Variants in ADAM15 observed in about 807,000 individuals in gnomAD.
ADAM15 encodes the protein disintegrin and metalloproteinase domain-containing protein 15.
A neutral mutation model predicts 113.8 loss-of-function variants in ADAM15; 77 were observed. The observed-to-expected ratio is 0.68, with a 90% CI of 0.56 to 0.82. The LOEUF (loss-of-function observed/expected upper bound fraction) is 0.82. Ranked by LOEUF, ADAM15 falls within the 40% of genes least tolerant of loss-of-function variation. The pLI is 0.00. For missense variants in ADAM15, 963 were observed against 1,120.1 expected (o/e 0.86, Z 2.00); for synonymous variants, 388 against 454.1 (o/e 0.85, Z 1.85).
rs774493773 is a variant in ADAM15 at position 155,058,039 on chromosome 1, G to A, written c.1605G>A (p.Trp535Ter). ...ASYAQQCQSL[W>*]GPGAQPAAPL... ...ATGCCCAGCAGTGCCAGTCACTTTG[G>A]GGACCTGGAGCCCAGCCCGCTGCGC... The change falls in exon 14 of 23, where the codon TGG (tryptophan) becomes TGA (stop). Residue 535 changes from tryptophan (W) to a stop codon, truncating the protein, a stop_gained. Transcript: ENST00000356955. LOFTEE classifies it high-confidence loss of function. The surrounding 1 kb of genome is among the most constrained non-coding windows in gnomAD (Gnocchi z 4.3). 6.2e-7 allele frequency: 1 copy of A among 1,614,122 alleles called. No homozygotes were observed. Among genetic ancestry groups the A allele is most frequent in the Non-Finnish European group, 8.5e-7 (1 of 1,180,044 alleles).
chr1:155,059,823 TC>T (rs1662323069), intron 16 of ADAM15, 78 bp from the exon 17 acceptor site: 8 of 1,479,904 alleles, frequency 5.4e-6, no homozygotes, highest in Admixed American at 1.7e-5. Flanking sequence ...GTTGTAGAAA[TC>T]TGAGATCTTG....
rs566374531 is a variant in ADAM15, at chr1:155,062,006, T to C, written c.2424+31T>C. 16 of 1,520,000 alleles carry C rather than the reference T, an allele frequency of 1.1e-5. No individual in the cohort carries two copies. In the East Asian group the frequency reaches 3.0e-4, roughly 29 times the overall value. The allele number at this position is 1,520,000 out of a possible 1,614,324, so 94.2% of individuals were successfully genotyped here. A position where few individuals can be genotyped will look rare whatever the true frequency, so the allele number is the denominator to read the frequency against. On this transcript the variant is annotated intron_variant, in intron 21 of 22. Coordinates refer to ENST00000356955, the MANE Select transcript of ADAM15 (RefSeq NM_207197.3). The surrounding 1 kb of genome is among the most constrained non-coding windows in gnomAD (Gnocchi z 7.0). ...GGTGGGGGGAGAGAAGGGCACGGCC[T>C]CTCCCCCCACCTAGGGCTGTGGTGC...
chr1:155,055,549 G>GA (rs1032171214), intron 6 of ADAM15: 51 of 554,460 alleles, frequency 9.2e-5, no homozygotes, highest in Non-Finnish European at 1.4e-4. Context: ...TTAAAAATTT[G>GA]AAAAAAACCA....
chr1:155,061,328 C>T lies in ADAM15; in HGVS notation c.2278-87C>T, dbSNP rs1041738179. The T allele has an allele frequency of 5.2e-6, 5 of 959,340 alleles. No homozygotes were observed. In the East Asian group the frequency reaches 1.3e-4, roughly 24 times the overall value. 59.4% of individuals were successfully genotyped at this position (959,340 alleles called of 1,614,324 possible). ...CACTGCCCTGGGCCCCTGCTGGCCCCCCCTGGGCACTGACCCTTCCCTGCC... is the reference window on the plus strand; with the variant it reads ...CACTGCCCTGGGCCCCTGCTGGCCCTCCCTGGGCACTGACCCTTCCCTGCC... On this transcript the variant is annotated intron_variant, in intron 19 of 22. Coordinates refer to ENST00000356955, the MANE Select transcript of ADAM15 (RefSeq NM_207197.3).
intron 18 of ADAM15, 91 bp from the exon 19 acceptor site, chr1:155,060,672 G>A (rs1279549925): frequency 2.1e-5 from 30 of 1,405,444 alleles, no homozygotes; most frequent in Non-Finnish European, 2.7e-5. Flanking sequence ...ATAAGTGCCT[G>A]CAAAGGGTTA....
At chr1:155,061,692 C>A (rs560323938) in intron 20 of ADAM15, 158 of 768,244 alleles carry the variant, frequency 2.1e-4, no homozygotes, top group Middle Eastern at 9.6e-4. Context: ...TGGTCAATGG[C>A]GGGACTGCAG....
Position 155,055,970 on chromosome 1 carries a change from C to T in ADAM15, c.714C>T (p.Arg238=), listed in dbSNP as rs781269387. 6.2e-7 allele frequency: 1 copy of T among 1,614,176 alleles called. No individual in the cohort carries two copies. The highest frequency in any genetic ancestry group is 8.5e-7 in the Non-Finnish European group (1 of 1,180,034). Residue 238 remains arginine, a synonymous_variant, in exon 8 of 23, where the codon CGC becomes CGT. Coordinates refer to ENST00000356955, the MANE Select transcript of ADAM15 (RefSeq NM_207197.3). ...KYRDFQHLLN[R]TLEVALLLDT... ...GGGACTTCCAGCACCTGCTAAACCG[C>T]ACACTGGAAGTGGCCCTCTTGCTGG...
intron 2 of ADAM15, 96 bp downstream of exon 2, chr1:155,052,873 G>A (rs1184499303): frequency 1.4e-6 from 2 of 1,479,528 alleles, no homozygotes; most frequent in Non-Finnish European, 1.8e-6. Flanking sequence ...GGAGCTGGTG[G>A]GTAGAGCTCA....
rs111601609 is a variant in ADAM15 at position 155,053,766 on chromosome 1, T to G, written c.264-144T>G. On this transcript the variant is annotated intron_variant, in intron 3 of 22. Transcript: ENST00000356955. Reference sequence around the variant, plus strand: ...AGAGTCAGTGGCCCAACCAGTATACTTTGCTGCCCCGGGGTCAGGAGTGGA... The same window carrying G: ...AGAGTCAGTGGCCCAACCAGTATACGTTGCTGCCCCGGGGTCAGGAGTGGA... The G allele has an allele frequency of 9.4e-3, 8,744 of 925,456 alleles. 511 individuals carry two copies. In the African/African-American group the frequency reaches 0.12, roughly 13 times the overall value. The allele number at this position is 925,456 out of a possible 1,614,324, so 57.3% of individuals were successfully genotyped here. A position where few individuals can be genotyped will look rare whatever the true frequency, so the allele number is the denominator to read the frequency against.
intron 2 of ADAM15, among the ~76,000 whole-genome samples, chr1:155,053,114 CCCCCCCA>C (rs1292290368): frequency 4.7e-4 from 61 of 130,262 alleles, no homozygotes; most frequent in African/African-American, 1.7e-3. Context: ...CAAACCCCCC[CCCCCCCA>C]CCCCATTCTA....
chr1:155,053,375 TG>T, intron 2 of ADAM15, 41 bp from the exon 3 acceptor site: 1 of 1,586,992 alleles, frequency 6.3e-7, no homozygotes, highest in Non-Finnish European at 8.6e-7. Context: ...CTGGGAGTTG[TG>T]GACAGGTCTA....
In ADAM15 at chr1:155,057,537, G is replaced by A. The variant is rs1462074915; in HGVS notation, c.1324-100G>A. ...TGTTGGGCTCTAGCCCTCGCTTGCT[G>A]TGTAGCTTCTGGTCTTGGCCTGTGG... On this transcript the variant is annotated intron_variant, in intron 12 of 22. Coordinates refer to ENST00000356955, the MANE Select transcript of ADAM15 (RefSeq NM_207197.3). The surrounding 1 kb of genome is among the most constrained non-coding windows in gnomAD (Gnocchi z 5.0). The A allele has an allele frequency of 6.6e-7, 1 of 1,525,864 alleles. No individual in the cohort carries two copies. The highest frequency in any genetic ancestry group is 1.7e-5 in the Admixed American group (1 of 58,424). The allele number at this position is 1,525,864 out of a possible 1,614,324, so 94.5% of individuals were successfully genotyped here.
chr1:155,051,344 G>C lies in ADAM15; in HGVS notation c.-43G>C. The stretch of plus-strand genomic sequence containing the variant: ...GCCGCCGGCCGCTCCTCCGCGCGCT[G>C]TTCCGCACTTGCTGCCCTCGCCCGG... On this transcript the variant is annotated 5_prime_UTR_variant, in exon 1 of 23. Transcript: ENST00000356955. 1 of 1,455,868 alleles carries C rather than the reference G, an allele frequency of 6.9e-7. No individual in the cohort carries two copies. The highest frequency in any genetic ancestry group is 9.1e-7 in the Non-Finnish European group (1 of 1,103,522). 90.2% of individuals were successfully genotyped at this position (1,455,868 alleles called of 1,614,324 possible).
In ADAM15 at chr1:155,054,496, A is replaced by ACATTCGC. The variant is rs1257316379; in HGVS notation, c.604_610dup (p.Arg204HisfsTer21). 2.5e-6 allele frequency: 4 copies of ACATTCGC among 1,571,210 alleles called. No homozygotes were observed. The highest frequency in any genetic ancestry group is 3.5e-6 in the Non-Finnish European group (4 of 1,156,096). On this transcript the variant is annotated frameshift_variant, in exon 6 of 23. Coordinates refer to ENST00000356955, the MANE Select transcript of ADAM15 (RefSeq NM_207197.3). LOFTEE classifies it high-confidence loss of function. ...CCAGAGCACCCCCTGGGACAGCGCCACATTCGCCGGGTGAGGATGAATGGC... is the reference window on the plus strand; with the variant it reads ...CCAGAGCACCCCCTGGGACAGCGCCACATTCGCCATTCGCCGGGTGAGGATGAATGGC...
At chr1:155,061,731 C>A in intron 20 of ADAM15, 173 bp from the exon 21 acceptor site, 1 of 845,234 alleles carries the variant, frequency 1.2e-6, no homozygotes, top group Non-Finnish European at 1.8e-6. Context: ...TGACCTACAC[C>A]TTCCTCCCCT....
At chr1:155,055,514 C>T (rs1389790739) in intron 6 of ADAM15, 3 of 451,902 alleles carry the variant, frequency 6.6e-6, no homozygotes, top group Non-Finnish European at 8.2e-6. Flanking sequence ...GCGTGAGCCA[C>T]CGCACCCAGC....
In ADAM15 at chr1:155,060,936, C is replaced by T. The variant is rs112260141; in HGVS notation, c.2277+104C>T. The T allele has an allele frequency of 1.8e-3, 2,095 of 1,145,748 alleles. 29 individuals are homozygous for T. The African/African-American group carries it at 0.028, about 15-fold the overall frequency. 71.0% of individuals were successfully genotyped at this position (1,145,748 alleles called of 1,614,324 possible). On this transcript the variant is annotated intron_variant, in intron 19 of 22. Coordinates refer to ENST00000356955, the MANE Select transcript of ADAM15 (RefSeq NM_207197.3). ...GGCTCCAGACTCAGAGAAAGGCTAG[C>T]ACTGCCCAAGAGTCAGTCGAAGGAG... is the stretch of plus-strand genomic sequence containing the variant.
chr1:155,054,322 T>G lies in ADAM15; in HGVS notation c.428T>G (p.Val143Gly), dbSNP rs201696505. The G allele has an allele frequency of 3.5e-5, 55 of 1,587,658 alleles. No homozygotes were observed. The highest frequency in any genetic ancestry group is 4.5e-5 in the Non-Finnish European group (53 of 1,168,260). The change falls in exon 6 of 23, where the codon GTG becomes GGG. Residue 143 changes from valine to glycine, a missense_variant. Val to Gly is a moderately radical substitution (Grantham distance 109). Transcript: ENST00000356955. ...ACTTTCTTTTTTCTTAGAGGCTTGGTGGTCCTGACCCCAGAGAGAAGCTAT... is the reference window on the plus strand; with the variant it reads ...ACTTTCTTTTTTCTTAGAGGCTTGGGGGTCCTGACCCCAGAGAGAAGCTAT... ...ICTCSGLRGL[V>G]VLTPERSYTL...
In ADAM15 at chr1:155,057,415, G is replaced by A. The variant is rs1258014904; in HGVS notation, c.1323+53G>A. On this transcript the variant is annotated intron_variant, in intron 12 of 22. Transcript: ENST00000356955. This position sits in a 1 kb window ranked among gnomAD's most constrained non-coding sequence, Gnocchi z 5.0. ...CACTCACTTCTGTACCCTCACCCTG[G>A]CTCATTAGCCCTATCCCAGCCTCCT... is the stretch of plus-strand genomic sequence containing the variant. 6.2e-7 allele frequency: 1 copy of A among 1,604,982 alleles called. No individual in the cohort carries two copies. The highest frequency in any genetic ancestry group is 1.3e-5 in the African/African-American group (1 of 74,742).
Sources: gnomAD v4.1 joint callset for allele counts (sites outside exome capture counted in the v4.1 genomes callset) on GRCh38, gnomAD v4.1.1 for gene constraint, Gnocchi (gnomAD v3.1) non-coding constraint, MANE v1.5 for transcripts, NCBI Gene and HGNC (gene_info 2026-07-23, HGNC 2026-07-21) for gene names.